The following MYSM1 variants were observed in gnomAD, a reference collection of about 807,000 sequenced individuals.
MYSM1 encodes deubiquitinase MYSM1.
In MYSM1, 51 loss-of-function variants were observed where a neutral mutation model predicts 116.0. That is an observed-to-expected ratio of 0.44 (90% CI 0.35 to 0.56). The LOEUF (loss-of-function observed/expected upper bound fraction) is 0.56. MYSM1 is among the 20% of genes least tolerant of loss of function. The pLI, the probability that MYSM1 is intolerant of heterozygous loss-of-function variation, is 0.00. For synonymous variants in MYSM1, 313 were observed against 315.2 expected (o/e 0.99, Z 0.07); for missense variants, 900 against 974.9 (o/e 0.92, Z 1.02).
chr1:58,688,421 T>TA (rs11309030), intron 6 of MYSM1, among the ~76,000 whole-genome samples: 3 of 150,952 alleles, frequency 2.0e-5, no homozygotes, highest in East Asian at 1.9e-4. Flanking sequence ...GTAAAAAAAT[T>TA]AAAAAAAAAT....
At chr1:58,695,909 G>A (rs1319362460) in intron 1 of MYSM1, among the ~76,000 whole-genome samples, 6 of 152,092 alleles carry the variant, frequency 3.9e-5, no homozygotes, top group African/African-American at 1.4e-4. Context: ...AGTAAGTTTT[G>A]GGGGGCTCAA....
chr1:58,678,186 C>T (rs1644682643), intron 8 of MYSM1, among the ~76,000 whole-genome samples: 1 of 152,102 alleles, frequency 6.6e-6, no homozygotes, highest in Non-Finnish European at 1.5e-5. Flanking sequence ...AGATAGGGTG[C>T]TTAGGCTAGG....
chr1:58,670,036 C>A (rs914816752), intron 12 of MYSM1, among the ~76,000 whole-genome samples: 1 of 152,010 alleles, frequency 6.6e-6, no homozygotes, highest in African/African-American at 2.4e-5. Flanking sequence ...GGAATACATT[C>A]GCATTAACAC....
At chr1:58,670,361 T>C (rs1037255740) in intron 12 of MYSM1, among the ~76,000 whole-genome samples, 3 of 152,150 alleles carry the variant, frequency 2.0e-5, no homozygotes, top group Non-Finnish European at 1.5e-5. Flanking sequence ...GGAAAGTTGC[T>C]GAAGGACTAG....
At chr1:58,693,242 G>C (rs890383813) in intron 2 of MYSM1, among the ~76,000 whole-genome samples, 3 of 152,100 alleles carry the variant, frequency 2.0e-5, no homozygotes, top group African/African-American at 7.2e-5. Flanking sequence ...TCATTTGTTA[G>C]GCATCAGACA....
intron 6 of MYSM1, among the ~76,000 whole-genome samples, chr1:58,688,679 A>G (rs1569790226): frequency 8.6e-6 from 1 of 116,880 alleles, no homozygotes; most frequent in East Asian, 2.4e-4. Context: ...CAAATATACA[A>G]GTTTTTATTT....
chr1:58,661,025 G>A (rs891479182), intron 19 of MYSM1, 145 bp downstream of exon 19: 1 of 626,976 alleles, frequency 1.6e-6, no homozygotes, highest in Non-Finnish European at 2.7e-6. Context: ...TTATCTCCTA[G>A]AAATTAATTT....
chr1:58,697,379 C>T (rs192311693), intron 1 of MYSM1, among the ~76,000 whole-genome samples: 3 of 152,096 alleles, frequency 2.0e-5, no homozygotes, highest in South Asian at 2.1e-4. Flanking sequence ...GTAACAGATT[C>T]GGGAAACATC....
chr1:58,685,309 C>T, intron 6 of MYSM1, 58 bp from the exon 7 acceptor site: 1 of 1,068,280 alleles, frequency 9.4e-7, no homozygotes, highest in Non-Finnish European at 1.3e-6. Context: ...AAGAATAGTC[C>T]AAGCCACTAC....
At chr1:58,683,023 T>C (rs1644772645) in intron 7 of MYSM1, among the ~76,000 whole-genome samples, 1 of 152,210 alleles carries the variant, frequency 6.6e-6, no homozygotes, top group Non-Finnish European at 1.5e-5. Context: ...TTAGACAAGA[T>C]TGGGCACGTT....
chr1:58,686,432 CA>C (rs1471606422), intron 6 of MYSM1, among the ~76,000 whole-genome samples: 3 of 152,010 alleles, frequency 2.0e-5, no homozygotes, highest in Non-Finnish European at 4.4e-5. Context: ...ATGAAAAAAA[CA>C]AAAAACTAGC....
chr1:58,668,891 T>C (rs1339518436), intron 13 of MYSM1, 93 bp downstream of exon 13: 3 of 1,036,516 alleles, frequency 2.9e-6, no homozygotes, highest in Admixed American at 2.6e-5. Flanking sequence ...TTTTTATACA[T>C]ATGCCTTGCA....
chr1:58,689,053 C>G lies in MYSM1; in HGVS notation c.384G>C (p.Leu128=), dbSNP rs772076346. The change falls in exon 6 of 20, where the codon CTG becomes CTC. Residue 128 remains leucine (L), a synonymous_variant. Coordinates refer to ENST00000472487, the MANE Select transcript of MYSM1 (RefSeq NM_001085487.3). The stretch of plus-strand genomic sequence containing the variant: ...CTCTATTTACCAGCCCTTGTTCAAA[C>G]AGCTCTTTTTCTTCTATCGTCCACT... ...SVKWTIEEKE[L]FEQGLAKFGR... is the part of the protein sequence containing the mutation. 1.9e-6 allele frequency: 3 copies of G among 1,611,140 alleles called. No individual in the cohort carries two copies. Among genetic ancestry groups the G allele is most frequent in the Non-Finnish European group, 2.5e-6 (3 of 1,179,362 alleles).
chr1:58,697,591 ATT>A (rs560390293), intron 1 of MYSM1, among the ~76,000 whole-genome samples: 7 of 144,170 alleles, frequency 4.9e-5, no homozygotes, highest in Admixed American at 1.4e-4. Flanking sequence ...CCAAAAAAAA[ATT>A]TTTTTTTTTT....
intron 1 of MYSM1, chr1:58,699,510 T>G: frequency 2.0e-6 from 1 of 508,264 alleles, no homozygotes; most frequent in Non-Finnish European, 2.5e-6. Flanking sequence ...CCTGGCCCAT[T>G]TAAGTCAACC....
chr1:58,660,046 T>C lies in MYSM1; in HGVS notation c.2438A>G (p.Gln813Arg), dbSNP rs1292202311. 2 of 1,609,518 alleles carry C rather than the reference T, an allele frequency of 1.2e-6. No individual in the cohort carries two copies. The highest frequency in any genetic ancestry group is 2.2e-5 in the South Asian group (2 of 90,442). ...GTTCTCTTCGGTTACTCCATTCTCT[T>C]GGTTGCTTTTATAATTGGAAAGGAA... ...NLFLSNYKSN[Q>R]ENGVTEENCT... The change falls in exon 20 of 20, where the codon CAA (glutamine) becomes CGA (arginine). Residue 813 changes from glutamine (Q) to arginine (R), a missense_variant. This residue lies in a region of MYSM1 where 186 missense variants were observed against 196.2 expected (regional missense o/e 0.95). Transcript: ENST00000472487.
intron 8 of MYSM1, 36 bp from the exon 9 acceptor site, chr1:58,677,092 A>T: frequency 6.5e-7 from 1 of 1,546,050 alleles, no homozygotes; most frequent in South Asian, 1.2e-5. Context: ...ATTTTGGATA[A>T]ATAAAAACGT....
chr1:58,698,800 T>A (rs919655285), intron 1 of MYSM1, among the ~76,000 whole-genome samples: 4 of 152,210 alleles, frequency 2.6e-5, no homozygotes, highest in Admixed American at 1.3e-4. Flanking sequence ...TCCCTACTCA[T>A]CTGCAAAGCT....
At chr1:58,694,242 C>A (rs1644941477) in intron 2 of MYSM1, among the ~76,000 whole-genome samples, 1 of 152,184 alleles carries the variant, frequency 6.6e-6, no homozygotes. Flanking sequence ...AAATAAACTT[C>A]TTGAGAGCAG....
Sources: allele counts gnomAD v4.1 joint callset (sites outside exome capture counted in the v4.1 genomes callset), GRCh38; gene constraint gnomAD v4.1.1; regional missense constraint gnomAD v4.1.1; transcripts MANE v1.5; gene names NCBI Gene and HGNC (gene_info 2026-07-23, HGNC 2026-07-21).